The following PPM1E variants were observed in gnomAD, a reference collection of about 807,000 sequenced individuals.
The protein encoded by PPM1E is protein phosphatase 1E.
Under a neutral mutation model 65.9 loss-of-function variants are expected in PPM1E, and 20 were observed. The ratio of observed to expected loss-of-function variants is 0.30; its 90% CI spans 0.21 to 0.44. The LOEUF is 0.44. Among genes scored for constraint, PPM1E ranks in the 20% least tolerant of loss-of-function variants. PPM1E has a pLI of 1.00. For synonymous variants in PPM1E, 352 were observed against 374.9 expected (o/e 0.94, Z 0.70); for missense variants, 713 against 953.1 (o/e 0.75, Z 3.32).
At chr17:58,782,512 C>T (rs928188495) in intron 1 of PPM1E, among the ~76,000 whole-genome samples, 2 of 151,454 alleles carry the variant, frequency 1.3e-5, no homozygotes, top group Non-Finnish European at 2.9e-5. Flanking sequence ...AGTGATTTTC[C>T]TGCCTCAGCC....
At chr17:58,930,248 T>TACACAC (rs563715161) in intron 1 of PPM1E, among the ~76,000 whole-genome samples, 12,214 of 141,456 alleles carry the variant, frequency 0.086, 629 homozygotes, top group Non-Finnish European at 0.13. Flanking sequence ...ATTAAATGTA[T>TACACAC]ATACACACAC....
chr17:58,911,947 G>A (rs2051631991), intron 1 of PPM1E, among the ~76,000 whole-genome samples: 1 of 152,160 alleles, frequency 6.6e-6, no homozygotes, highest in African/African-American at 2.4e-5. Flanking sequence ...GCAGAAGGGT[G>A]CCGCTTGCAC....
At chr17:58,852,107 C>CT (rs2050832320) in intron 1 of PPM1E, among the ~76,000 whole-genome samples, 1 of 152,178 alleles carries the variant, frequency 6.6e-6, no homozygotes, top group Non-Finnish European at 1.5e-5. Flanking sequence ...TCCTGGTGTG[C>CT]TGTTTGCTAA....
At chr17:58,856,936 G>GC (rs942160683) in intron 1 of PPM1E, among the ~76,000 whole-genome samples, 125 of 152,194 alleles carry the variant, frequency 8.2e-4, no homozygotes, top group African/African-American at 2.8e-3. Flanking sequence ...CTATATGGAA[G>GC]TTTTTTTAAG....
In PPM1E at chr17:58,972,186, C is replaced by T; in HGVS notation, c.1027C>T (p.His343Tyr). The T allele has an allele frequency of 6.2e-7, 1 of 1,614,062 alleles. No individual in the cohort carries two copies. The highest frequency in any genetic ancestry group is 8.5e-7 in the Non-Finnish European group (1 of 1,179,954). The change falls in exon 5 of 7, where the codon CAT becomes TAT. Residue 343 changes from histidine (H) to tyrosine (Y), a missense_variant. Physicochemically the swap from His to Tyr is moderately conservative, Grantham distance 83 (BLOSUM62 2). Coordinates refer to ENST00000308249, the MANE Select transcript of PPM1E (RefSeq NM_014906.5). ...VVTFIRGNML[H>Y]VAWVGDSQVM... Reference sequence around the variant, plus strand: ...GACTTTCATCAGAGGCAACATGCTACATGTGGCCTGGGTGGGTGATTCCCA... The same window carrying T: ...GACTTTCATCAGAGGCAACATGCTATATGTGGCCTGGGTGGGTGATTCCCA...
rs146670155 is a variant in PPM1E at position 58,830,198 on chromosome 17, G to A, written c.464+73737G>A. 4.9e-3 allele frequency among the ~76,000 whole-genome samples: 740 copies of A among 151,982 alleles called. 2 individuals carry two copies. Among genetic ancestry groups the A allele is most frequent in the African/African-American group, 0.017 (718 of 41,500 alleles). On this transcript the variant is annotated intron_variant, in intron 1 of 6. Transcript: ENST00000308249. Reference sequence around the variant, plus strand: ...TCTCTAAAAAAACAAAAAACAAAACGAACAACAAAAAAATTGTTAGAAAAT... The same window carrying A: ...TCTCTAAAAAAACAAAAAACAAAACAAACAACAAAAAAATTGTTAGAAAAT...
At chr17:58,799,500 T>A (rs992752860) in intron 1 of PPM1E, among the ~76,000 whole-genome samples, 1 of 152,122 alleles carries the variant, frequency 6.6e-6, no homozygotes, top group African/African-American at 2.4e-5. Context: ...TGGAGTGCAG[T>A]GGCACGATCT....
intron 1 of PPM1E, among the ~76,000 whole-genome samples, chr17:58,881,027 C>T (rs1222164090): frequency 2.0e-5 from 3 of 152,090 alleles, no homozygotes; most frequent in Non-Finnish European, 2.9e-5. Flanking sequence ...TAGAATGTTA[C>T]GCAGCAAGTA....
At chr17:58,930,508 A>G (rs2051880651) in intron 1 of PPM1E, among the ~76,000 whole-genome samples, 1 of 152,168 alleles carries the variant, frequency 6.6e-6, no homozygotes, top group African/African-American at 2.4e-5. Context: ...AGATCTGATG[A>G]AAGTTGTAAT....
At position 58,898,207 on chromosome 17, in the gene PPM1E, G is replaced by A. The variant is rs566332200; in HGVS notation, c.465-57442G>A. Among the ~76,000 whole-genome samples the A allele has an allele frequency of 8.6e-5, 13 of 151,340 alleles. No individual in the cohort carries two copies. In the South Asian group the frequency reaches 1.5e-3, roughly 17 times the overall value. Reference sequence around the variant, plus strand: ...GCAGAGGTTGCAGTGAGCTGAGATTGTGCCACTGCACTCCAGCCTGGGGGT... The same window carrying A: ...GCAGAGGTTGCAGTGAGCTGAGATTATGCCACTGCACTCCAGCCTGGGGGT... On this transcript the variant is annotated intron_variant, in intron 1 of 6. Transcript: ENST00000308249.
intron 1 of PPM1E, among the ~76,000 whole-genome samples, chr17:58,921,909 A>C (rs2143536434): frequency 6.6e-6 from 1 of 151,844 alleles, no homozygotes; most frequent in African/African-American, 2.4e-5. Context: ...GTGTGGTGGC[A>C]CGCACCTGTA....
chr17:58,852,256 G>A (rs1409436264), intron 1 of PPM1E, among the ~76,000 whole-genome samples: 5 of 152,058 alleles, frequency 3.3e-5, no homozygotes, highest in East Asian at 1.9e-4. Flanking sequence ...ACCCTGCTCC[G>A]TGGGCTGCAC....
chr17:58,930,260 C>T lies in PPM1E; in HGVS notation c.465-25389C>T, dbSNP rs867448306. Among the ~76,000 whole-genome samples the T allele has an allele frequency of 6.9e-4, 102 of 148,390 alleles. 1 individual carries two copies. Among genetic ancestry groups the T allele is most frequent in the South Asian group, 1.1e-3 (5 of 4,758 alleles). ...TAAATTAAATGTATATACACACACA[C>T]ACACACACACACACACACACACACA... On this transcript the variant is annotated intron_variant, in intron 1 of 6. Transcript: ENST00000308249.
rs1567838797 is a variant in PPM1E, at chr17:58,805,968, AAAAAAC to A, written c.464+49513_464+49518del. 1.3e-3 allele frequency among the ~76,000 whole-genome samples: 143 copies of A among 111,254 alleles called. 3 individuals carry two copies. The highest frequency in any genetic ancestry group is 5.0e-3 in the African/African-American group (128 of 25,400). The allele number at this position is 111,254 out of a possible 152,430, so 73.0% of individuals were successfully genotyped here. A position where few individuals can be genotyped will look rare whatever the true frequency, so the allele number is the denominator to read the frequency against. On this transcript the variant is annotated intron_variant, in intron 1 of 6. Transcript: ENST00000308249. ...TTCTGCTAAAAAAAAAAACAAAAAA[AAAAAAC>A]AAAAAAAAAACAAAACAAAACAAAA... is the stretch of plus-strand genomic sequence containing the variant.
chr17:58,948,012 C>T (rs1163218060), intron 1 of PPM1E, among the ~76,000 whole-genome samples: 2 of 152,086 alleles, frequency 1.3e-5, no homozygotes, highest in African/African-American at 2.4e-5. Flanking sequence ...GGCTTGATGG[C>T]TTGGCTGAGT....
At chr17:58,953,464 T>G (rs2052268407) in intron 1 of PPM1E, among the ~76,000 whole-genome samples, 1 of 152,128 alleles carries the variant, frequency 6.6e-6, no homozygotes, top group Admixed American at 6.6e-5. Context: ...TCACAGGAAC[T>G]AATGGCACAA....
intron 1 of PPM1E, among the ~76,000 whole-genome samples, chr17:58,828,984 G>A (rs1471695277): frequency 1.3e-5 from 2 of 152,044 alleles, no homozygotes; most frequent in Admixed American, 6.6e-5. Context: ...TACATTGTTT[G>A]AATTATGTAT....
chr17:58,977,054 A>G (rs1352001380), intron 6 of PPM1E, among the ~76,000 whole-genome samples: 2 of 152,222 alleles, frequency 1.3e-5, no homozygotes, highest in Non-Finnish European at 2.9e-5. Flanking sequence ...TTGAGTTTTA[A>G]TGAGCTCTAA....
intron 4 of PPM1E, among the ~76,000 whole-genome samples, chr17:58,970,426 G>A (rs1395673215): frequency 6.6e-6 from 1 of 152,042 alleles, no homozygotes; most frequent in Non-Finnish European, 1.5e-5. Flanking sequence ...TTTAACTGGG[G>A]ACGAATAAAA....
Sources: allele counts gnomAD v4.1 joint callset (sites outside exome capture counted in the v4.1 genomes callset), GRCh38; gene constraint gnomAD v4.1.1; transcripts MANE v1.5; gene names NCBI Gene and HGNC (gene_info 2026-07-23, HGNC 2026-07-21).